Variants in AKAP6 observed in about 807,000 individuals in gnomAD.
AKAP6 encodes the protein A-kinase anchoring protein 6.
In AKAP6, 58 loss-of-function variants were observed where a neutral mutation model predicts 188.5. The observed-to-expected ratio is 0.31, with a 90% CI of 0.25 to 0.38. The LOEUF is 0.38. Among genes scored for constraint, AKAP6 ranks in the 10% least tolerant of loss-of-function variants. AKAP6 has a pLI of 1.00. For synonymous variants in AKAP6, 989 were observed against 998.6 expected, an observed-to-expected ratio of 0.99 and a Z score of 0.18; for missense variants, 2,710 against 2,740.0, an observed-to-expected ratio of 0.99 and a Z score of 0.24.
At chr14:32,365,421 T>C (rs993342115) in intron 1 of AKAP6, among the ~76,000 whole-genome samples, 3 of 152,294 alleles carry the variant, frequency 2.0e-5, no homozygotes, top group African/African-American at 2.4e-5. Context: ...CCAGGACTTA[T>C]TGACACCCCC....
intron 1 of AKAP6, among the ~76,000 whole-genome samples, chr14:32,403,556 A>G (rs967663198): frequency 6.6e-6 from 1 of 152,218 alleles, no homozygotes; most frequent in Non-Finnish European, 1.5e-5. Flanking sequence ...TTGTGCTTGT[A>G]TCTCAGCTCT....
At chr14:32,453,570 C>CTTTTTTTTTTTTTTT in intron 2 of AKAP6, among the ~76,000 whole-genome samples, 1 of 70,914 alleles carries the variant, frequency 1.4e-5, no homozygotes, top group South Asian at 5.2e-4. Context: ...TAGAATTTTT[C>CTTTTTTTTTTTTTTT]TTTTCTTTTT....
At chr14:32,563,174 G>A (rs1884028983) in intron 4 of AKAP6, among the ~76,000 whole-genome samples, 1 of 152,176 alleles carries the variant, frequency 6.6e-6, no homozygotes, top group Non-Finnish European at 1.5e-5. Flanking sequence ...ATATTAATGG[G>A]TGAGGGCATT....
intron 2 of AKAP6, among the ~76,000 whole-genome samples, chr14:32,445,772 A>C (rs1285830990): frequency 6.6e-6 from 1 of 151,706 alleles, no homozygotes; most frequent in African/African-American, 2.4e-5. Context: ...TTTTTTTTCT[A>C]TTCCATAAGT....
At chr14:32,497,315 ATGTT>A (rs1346371350) in intron 2 of AKAP6, among the ~76,000 whole-genome samples, 1 of 151,986 alleles carries the variant, frequency 6.6e-6, no homozygotes, top group African/African-American at 2.4e-5. Context: ...CTCATGTTGT[ATGTT>A]TGTTTTCATT....
intron 1 of AKAP6, among the ~76,000 whole-genome samples, chr14:32,345,447 A>T (rs2138426502): frequency 6.6e-6 from 1 of 152,334 alleles, no homozygotes. Flanking sequence ...GTCAGCTGTG[A>T]TGTAGCCAGT....
intron 11 of AKAP6, among the ~76,000 whole-genome samples, chr14:32,760,238 C>T (rs993150165): frequency 3.3e-5 from 5 of 152,298 alleles, no homozygotes; most frequent in African/African-American, 1.2e-4. Flanking sequence ...TGAGAACCAA[C>T]TTATATCTTA....
At chr14:32,627,063 T>C (rs188974111) in intron 7 of AKAP6, among the ~76,000 whole-genome samples, 1 of 152,234 alleles carries the variant, frequency 6.6e-6, no homozygotes, top group East Asian at 1.9e-4. Flanking sequence ...GACACACTTA[T>C]AGAAGAAGAG....
At chr14:32,576,276 C>A (rs1884712466) in intron 4 of AKAP6, among the ~76,000 whole-genome samples, 1 of 152,096 alleles carries the variant, frequency 6.6e-6, no homozygotes, top group African/African-American at 2.4e-5. Flanking sequence ...CTCCTTATGA[C>A]CTCCAGGTGG....
intron 4 of AKAP6, among the ~76,000 whole-genome samples, chr14:32,548,583 TAG>T (rs1883311341): frequency 7.0e-6 from 1 of 142,466 alleles, no homozygotes; most frequent in African/African-American, 2.6e-5. Flanking sequence ...GATAGATAGA[TAG>T]ATATAAAGAG....
chr14:32,390,960 C>A (rs117901233), intron 1 of AKAP6, among the ~76,000 whole-genome samples: 1 of 152,210 alleles, frequency 6.6e-6, no homozygotes, highest in East Asian at 1.9e-4. Context: ...GTTTTTTAAA[C>A]GTTGCATTTG....
At chr14:32,541,167 C>T (rs1412156747) in intron 3 of AKAP6, among the ~76,000 whole-genome samples, 6 of 152,010 alleles carry the variant, frequency 3.9e-5, no homozygotes, top group African/African-American at 7.2e-5. Flanking sequence ...GATGGTTGGC[C>T]GGACTGATAT....
At position 32,546,411 on chromosome 14, in the gene AKAP6, T is replaced by C; in HGVS notation, c.1758T>C (p.Val586=). ...TTACTCAGAGCAGTGAATCCTCTGT[T>C]GGCTCAGACAACATCATGTCTCCGG... ...PAFTQSSESS[V]GSDNIMSPVP... is the part of the protein sequence containing the mutation. Residue 586 remains valine, a synonymous_variant, in exon 4 of 14, where the codon GTT becomes GTC. Coordinates refer to ENST00000280979, the MANE Select transcript of AKAP6 (RefSeq NM_004274.5). The C allele has an allele frequency of 6.2e-7, 1 of 1,614,192 alleles. No individual in the cohort carries two copies. Among genetic ancestry groups the C allele is most frequent in the Admixed American group, 1.7e-5 (1 of 60,022 alleles).
At chr14:32,728,598 C>G (rs914452044) in intron 9 of AKAP6, among the ~76,000 whole-genome samples, 2 of 152,098 alleles carry the variant, frequency 1.3e-5, no homozygotes, top group African/African-American at 4.8e-5. Flanking sequence ...TGTAAATGCT[C>G]AAACCCTGAT....
intron 8 of AKAP6, 115 bp downstream of exon 8, chr14:32,678,574 C>A (rs1889537546): frequency 4.3e-6 from 5 of 1,173,800 alleles, no homozygotes; most frequent in Non-Finnish European, 4.9e-6. Flanking sequence ...AGGAGAAGCT[C>A]AGTAGACTAG....
intron 10 of AKAP6, 38 bp from the exon 11 acceptor site, chr14:32,735,620 G>GTTCC: frequency 1.4e-6 from 2 of 1,406,450 alleles, no homozygotes; most frequent in Non-Finnish European, 1.9e-6. Context: ...TTTTTTGTTT[G>GTTCC]TTTGTTTTAT....
chr14:32,421,759 T>C (rs542070534), intron 1 of AKAP6, among the ~76,000 whole-genome samples: 29 of 152,198 alleles, frequency 1.9e-4, no homozygotes, highest in Non-Finnish European at 3.4e-4. Flanking sequence ...TGACTGAATG[T>C]CACTGTAGGG....
intron 7 of AKAP6, among the ~76,000 whole-genome samples, chr14:32,656,563 A>C (rs1052385902): frequency 3.3e-5 from 5 of 152,212 alleles, no homozygotes; most frequent in African/African-American, 1.2e-4. Flanking sequence ...TGAACCCACC[A>C]GCTGATTCTG....
chr14:32,592,317 G>A (rs142395330), intron 5 of AKAP6, among the ~76,000 whole-genome samples: 3 of 152,254 alleles, frequency 2.0e-5, no homozygotes, highest in East Asian at 3.9e-4. Flanking sequence ...TTAACACAAC[G>A]TAGTATGTGA....
Sources: gnomAD v4.1 joint callset for allele counts (sites outside exome capture counted in the v4.1 genomes callset) on GRCh38, gnomAD v4.1.1 for gene constraint, MANE v1.5 for transcripts, NCBI Gene and HGNC (gene_info 2026-07-23, HGNC 2026-07-21) for gene names.